Variants in LGR5 observed in about 807,000 individuals in gnomAD.
LGR5 encodes the protein leucine rich repeat containing G protein-coupled receptor 5.
Under a neutral mutation model 76.7 loss-of-function variants are expected in LGR5, and 54 were observed. The observed-to-expected ratio is 0.70, with a 90% CI of 0.57 to 0.88. The LOEUF (loss-of-function observed/expected upper bound fraction) is 0.88, where lower values mean the gene tolerates loss of function less well. Ranked by LOEUF, LGR5 falls within the 40% of genes least tolerant of loss-of-function variation. The pLI is 0.00. For synonymous variants in LGR5, 406 were observed against 421.9 expected (o/e 0.96, Z 0.46); for missense variants, 1,078 against 1,073.3 (o/e 1.00, Z -0.06).
chr12:71,518,265 A>T (rs1875544964), intron 2 of LGR5, among the ~76,000 whole-genome samples: 1 of 152,244 alleles, frequency 6.6e-6, no homozygotes, highest in African/African-American at 2.4e-5. Context: ...AGCATTACTG[A>T]TCATTAGAGA....
chr12:71,501,685 T>C (rs1276830775), intron 1 of LGR5, among the ~76,000 whole-genome samples: 4 of 152,254 alleles, frequency 2.6e-5, no homozygotes, highest in East Asian at 1.9e-4. Flanking sequence ...TAACTATTTC[T>C]GTTAAATCAC....
At chr12:71,563,127 C>T (rs1054828333) in intron 8 of LGR5, among the ~76,000 whole-genome samples, 52 of 152,064 alleles carry the variant, frequency 3.4e-4, no homozygotes, top group African/African-American at 1.3e-3. Flanking sequence ...GCGGCGCCAA[C>T]CCCAACTCTA....
At chr12:71,464,003 A>G (rs1872770331) in intron 1 of LGR5, among the ~76,000 whole-genome samples, 1 of 152,152 alleles carries the variant, frequency 6.6e-6, no homozygotes, top group Non-Finnish European at 1.5e-5. Flanking sequence ...TTGAAGTGCT[A>G]ATTTTTGGCC....
In LGR5 at chr12:71,504,606, C is replaced by T; in HGVS notation, c.213-8C>T. On this transcript the variant is annotated splice_region_variant and splice_polypyrimidine_tract_variant and intron_variant, in intron 1 of 17. Coordinates refer to ENST00000266674, the MANE Select transcript of LGR5 (RefSeq NM_003667.4). ...TGCTCCTCACACGCTGTCTGTTTTC[C>T]CCCCCAGAGACCTCAGTATGAACAA... The T allele has an allele frequency of 4.3e-6, 7 of 1,613,286 alleles. No individual in the cohort carries two copies. The highest frequency in any genetic ancestry group is 1.1e-5 in the South Asian group (1 of 91,056).
chr12:71,453,368 G>A (rs1277695900), intron 1 of LGR5, among the ~76,000 whole-genome samples: 1 of 152,118 alleles, frequency 6.6e-6, no homozygotes, highest in Non-Finnish European at 1.5e-5. Flanking sequence ...ACAGAGAGTA[G>A]GCTGATGGCA....
intron 1 of LGR5, among the ~76,000 whole-genome samples, chr12:71,464,390 A>T (rs1411733118): frequency 2.0e-5 from 3 of 152,222 alleles, no homozygotes; most frequent in Non-Finnish European, 4.4e-5. Context: ...GCCCAGAATC[A>T]ACTTTGAACT....
In LGR5 at chr12:71,440,523, G is replaced by C. The variant is rs1871717434; in HGVS notation, c.212+231G>C. Among the ~76,000 whole-genome samples, 1 of 152,192 alleles carries C rather than the reference G, an allele frequency of 6.6e-6. No homozygotes were observed. Among genetic ancestry groups the C allele is most frequent in the Non-Finnish European group, 1.5e-5 (1 of 68,034 alleles). Reference sequence around the variant, plus strand: ...AGAGAAATGGCTTCGAGTGCAACCCGGGAAAGCGCTGCTGCGCCGCAGCTT... The same window carrying C: ...AGAGAAATGGCTTCGAGTGCAACCCCGGAAAGCGCTGCTGCGCCGCAGCTT... On this transcript the variant is annotated intron_variant, in intron 1 of 17. Transcript: ENST00000266674. The surrounding 1 kb of genome is among the most constrained non-coding windows in gnomAD (Gnocchi z 5.3).
chr12:71,518,304 C>G (rs1372461911), intron 2 of LGR5, among the ~76,000 whole-genome samples: 3 of 152,024 alleles, frequency 2.0e-5, no homozygotes, highest in African/African-American at 7.2e-5. Flanking sequence ...AATGAGATAC[C>G]ATCTCACACC....
intron 6 of LGR5, among the ~76,000 whole-genome samples, chr12:71,557,767 G>A (rs1045763683): frequency 6.6e-6 from 1 of 152,104 alleles, no homozygotes; most frequent in Non-Finnish European, 1.5e-5. Flanking sequence ...TGTGCTGGGA[G>A]AGGAGGGTAG....
In LGR5 at chr12:71,440,022, T is replaced by TAGCA; in HGVS notation, c.-58_-55dup. The TAGCA allele has an allele frequency of 6.5e-7, 1 of 1,536,180 alleles. No homozygotes were observed. Among genetic ancestry groups the TAGCA allele is most frequent in the Non-Finnish European group, 8.9e-7 (1 of 1,125,150 alleles). ...GCGGCGCCCGGCGCGCCACGGCCCG[T>TAGCA]AGCAGTCCGGTGCTGCTCTCCGCCC... On this transcript the variant is annotated 5_prime_UTR_variant, in exon 1 of 18. Transcript: ENST00000266674. This position sits in a 1 kb window ranked among gnomAD's most constrained non-coding sequence, Gnocchi z 5.3.
intron 1 of LGR5, among the ~76,000 whole-genome samples, chr12:71,479,098 C>A (rs900729384): frequency 6.6e-6 from 1 of 152,184 alleles, no homozygotes; most frequent in Non-Finnish European, 1.5e-5. Flanking sequence ...ACATCTTTTA[C>A]ATTCAACGGG....
At chr12:71,487,906 A>G (rs765034814) in intron 1 of LGR5, among the ~76,000 whole-genome samples, 30 of 152,224 alleles carry the variant, frequency 2.0e-4, no homozygotes, top group Non-Finnish European at 3.2e-4. Flanking sequence ...TAAAATCAAC[A>G]GTAGTTATAC....
intron 1 of LGR5, among the ~76,000 whole-genome samples, chr12:71,461,012 A>T (rs116747160): frequency 6.6e-6 from 1 of 152,166 alleles, no homozygotes; most frequent in Non-Finnish European, 1.5e-5. Flanking sequence ...AGATCTTCCC[A>T]GGAATTGTTC....
At chr12:71,455,952 T>A (rs1872455077) in intron 1 of LGR5, among the ~76,000 whole-genome samples, 1 of 152,154 alleles carries the variant, frequency 6.6e-6, no homozygotes, top group Non-Finnish European at 1.5e-5. Context: ...TAAATAACCA[T>A]AGTAAATAGA....
intron 5 of LGR5, 45 bp from the exon 6 acceptor site, chr12:71,556,574 T>C (rs1250316688): frequency 8.5e-7 from 1 of 1,169,734 alleles, no homozygotes; most frequent in East Asian, 2.3e-5. Context: ...TTAAGTGTGG[T>C]CTGTGCAGTG....
intron 1 of LGR5, among the ~76,000 whole-genome samples, chr12:71,457,980 G>T (rs1453795792): frequency 6.6e-6 from 1 of 152,122 alleles, no homozygotes; most frequent in Admixed American, 6.6e-5. Context: ...CTGGTTCATG[G>T]TTTTTGTGCC....
chr12:71,565,939 T>C (rs1241785612), intron 8 of LGR5, among the ~76,000 whole-genome samples: 2 of 152,146 alleles, frequency 1.3e-5, no homozygotes, highest in African/African-American at 4.8e-5. Context: ...TCATTTCCTC[T>C]CCAATAATCT....
chr12:71,478,413 C>T (rs1414237462), intron 1 of LGR5, among the ~76,000 whole-genome samples: 2 of 152,184 alleles, frequency 1.3e-5, no homozygotes, highest in Non-Finnish European at 2.9e-5. Flanking sequence ...ATTAATTCAG[C>T]ATTTGGTCTT....
chr12:71,519,055 T>C (rs1875593318), intron 2 of LGR5, among the ~76,000 whole-genome samples: 2 of 152,164 alleles, frequency 1.3e-5, no homozygotes, highest in Non-Finnish European at 2.9e-5. Context: ...CACATTACTC[T>C]CTGATCTGAA....
Sources: gnomAD v4.1 joint callset for allele counts (sites outside exome capture counted in the v4.1 genomes callset) on GRCh38, gnomAD v4.1.1 for gene constraint, Gnocchi (gnomAD v3.1) non-coding constraint, MANE v1.5 for transcripts, NCBI Gene and HGNC (gene_info 2026-07-23, HGNC 2026-07-21) for gene names.